The following LGALS1 variants were observed in gnomAD, a reference collection of about 807,000 sequenced individuals.
LGALS1 encodes the protein galectin-1.
LGALS1 carries 14 observed loss-of-function variants against 14.4 expected under a neutral mutation model. That is an observed-to-expected ratio of 0.97 (90% CI 0.64 to 1.52). The LOEUF (loss-of-function observed/expected upper bound fraction) is 1.52. LGALS1 is among the 40% of genes most tolerant of loss of function. The pLI is 0.00. For missense variants in LGALS1, 170 were observed against 181.4 expected (o/e 0.94, Z 0.36); for synonymous variants, 71 against 73.4 (o/e 0.97, Z 0.17).
chr22:37,676,834 T>C, intron 1 of LGALS1, 152 bp from the exon 2 acceptor site: 2 of 780,390 alleles, frequency 2.6e-6, no homozygotes. Flanking sequence ...GGCTGGAAAT[T>C]ACAGCTCAAT....
At chr22:37,677,877 C>G (rs889143553) in intron 2 of LGALS1, among the ~76,000 whole-genome samples, 1 of 152,044 alleles carries the variant, frequency 6.6e-6, no homozygotes, top group Non-Finnish European at 1.5e-5. Flanking sequence ...CTCCGCCTCC[C>G]GGGTTCAAAC....
intron 1 of LGALS1, chr22:37,676,081 C>G (rs920794788): frequency 6.2e-4 from 120 of 193,106 alleles, no homozygotes; most frequent in Admixed American, 6.0e-4. Context: ...TCCCCTCCCC[C>G]CTGCAGCTGT....
intron 2 of LGALS1, 109 bp from the exon 3 acceptor site, chr22:37,678,374 A>T (rs560316576): frequency 5.0e-6 from 6 of 1,192,656 alleles, no homozygotes; most frequent in Non-Finnish European, 7.3e-6. Context: ...TGTCTCTGTT[A>T]GTGAGTTCTT....
chr22:37,677,694 T>C (rs1438301064), intron 2 of LGALS1: 1 of 152,376 alleles, frequency 6.6e-6, no homozygotes, highest in Non-Finnish European at 1.5e-5. Flanking sequence ...ACTAATTTCA[T>C]TTCAACCAAA....
At position 37,675,726 on chromosome 22, in the gene LGALS1, C is replaced by CA. The variant is rs1281257217; in HGVS notation, c.9+15_9+16insA. On this transcript the variant is annotated intron_variant, in intron 1 of 3. Coordinates refer to ENST00000215909, the MANE Select transcript of LGALS1 (RefSeq NM_002305.4). ...TCATGGCTTGTGTGAGTGTGGGGAC[C>CA]CCCCCCCAAGGTCCAGGGGATAGGG... is the stretch of plus-strand genomic sequence containing the variant. 2.6e-6 allele frequency: 4 copies of CA among 1,535,656 alleles called. No homozygotes were observed. The highest frequency in any genetic ancestry group is 3.5e-6 in the Non-Finnish European group (4 of 1,138,386).
chr22:37,678,668 C>CCTGTCCCT lies in LGALS1; in HGVS notation c.261+14_261+15insCTGTCCCT. The CCTGTCCCT allele has an allele frequency of 3.0e-6, 3 of 1,011,970 alleles. No individual in the cohort carries two copies. Among genetic ancestry groups the CCTGTCCCT allele is most frequent in the African/African-American group, 1.9e-5 (1 of 52,268 alleles). 62.7% of individuals were successfully genotyped at this position (1,011,970 alleles called of 1,614,324 possible). A position where few individuals can be genotyped will look rare whatever the true frequency, so the allele number is the denominator to read the frequency against. On this transcript the variant is annotated intron_variant, in intron 3 of 3. Coordinates refer to ENST00000215909, the MANE Select transcript of LGALS1 (RefSeq NM_002305.4). ...AGTGTTGCAGAGGTGGGCTGCAGAC[C>CCTGTCCCT]GGAACCGGGGACCAGGGACAGGGGC...
chr22:37,678,664 A>G lies in LGALS1; in HGVS notation c.261+10A>G. Reference sequence around the variant, plus strand: ...TGGAAGTGTTGCAGAGGTGGGCTGCAGACCGGAACCGGGGACCAGGGACAG... The same window carrying G: ...TGGAAGTGTTGCAGAGGTGGGCTGCGGACCGGAACCGGGGACCAGGGACAG... On this transcript the variant is annotated intron_variant, in intron 3 of 3. Coordinates refer to ENST00000215909, the MANE Select transcript of LGALS1 (RefSeq NM_002305.4). The G allele has an allele frequency of 8.8e-7, 1 of 1,142,000 alleles. No individual in the cohort carries two copies. The highest frequency in any genetic ancestry group is 1.2e-5 in the South Asian group (1 of 80,588). 70.7% of individuals were successfully genotyped at this position (1,142,000 alleles called of 1,614,324 possible).
At chr22:37,679,529 G>A in intron 3 of LGALS1, 74 bp from the exon 4 acceptor site, 1 of 1,372,260 alleles carries the variant, frequency 7.3e-7, no homozygotes, top group Non-Finnish European at 9.7e-7. Flanking sequence ...GGCTGTGTCA[G>A]GGCCACATGA....
rs1921413815 is a variant in LGALS1, at chr22:37,676,055, C to T, written c.9+344C>T. The T allele has an allele frequency of 1.3e-5, 3 of 232,596 alleles. No individual in the cohort carries two copies. The East Asian group carries it at 2.5e-4, about 19-fold the overall frequency. The allele number at this position is 232,596 out of a possible 1,614,324, so 14.4% of individuals were successfully genotyped here. On this transcript the variant is annotated intron_variant, in intron 1 of 3. Transcript: ENST00000215909. ...CACTATCCCTTTCCCCCTCCTCCAC[C>T]CCAAAGAGCCTCCTGTCCCCTCCCC...
intron 1 of LGALS1, chr22:37,676,297 T>A (rs1405261676): frequency 6.5e-6 from 1 of 152,690 alleles, no homozygotes; most frequent in Non-Finnish European, 1.5e-5. Context: ...GGTGAGAATC[T>A]TCCTCGGGCC....
intron 1 of LGALS1, 85 bp downstream of exon 1, chr22:37,675,796 T>C: frequency 7.9e-7 from 1 of 1,263,904 alleles, no homozygotes; most frequent in South Asian, 1.7e-5. Context: ...CGGGAGCAGA[T>C]TCTAGCCCCA....
In LGALS1 at chr22:37,676,743, TCTTCTAGAAC is replaced by T. The variant is rs890315488; in HGVS notation, c.10-238_10-229del. The T allele has an allele frequency of 6.9e-6, 4 of 576,470 alleles. No homozygotes were observed. The African/African-American group carries it at 7.5e-5, about 11-fold the overall frequency. The allele number at this position is 576,470 out of a possible 1,614,324, so 35.7% of individuals were successfully genotyped here. ...AATCTGCAAAATCTTCTAGAGCCTG[TCTTCTAGAAC>T]CTTCACGTTACAGACTGAAGCCAAC... On this transcript the variant is annotated intron_variant, in intron 1 of 3. Coordinates refer to ENST00000215909, the MANE Select transcript of LGALS1 (RefSeq NM_002305.4).
At position 37,678,539 on chromosome 22, in the gene LGALS1, G is replaced by T. The variant is rs111700736; in HGVS notation, c.146G>T (p.Arg49Leu). 240 of 1,613,522 alleles carry T rather than the reference G, an allele frequency of 1.5e-4. No individual in the cohort carries two copies. The highest frequency in any genetic ancestry group is 2.0e-4 in the Non-Finnish European group (232 of 1,180,042). The stretch of plus-strand genomic sequence containing the variant: ...AACCTGTGCCTGCACTTCAACCCTC[G>T]CTTCAACGCCCACGGCGACGCCAAC... ...SNNLCLHFNP[R>L]FNAHGDANTI... The change falls in exon 3 of 4, where the codon CGC (arginine) becomes CTC (leucine). Residue 49 changes from arginine to leucine, a missense_variant. Physicochemically the swap from Arg to Leu is moderately radical, Grantham distance 102. Transcript: ENST00000215909.
At position 37,679,716 on chromosome 22, in the gene LGALS1, T is replaced by C. The variant is rs750852218; in HGVS notation, c.375T>C (p.Gly125=). ...LEAINYMAAD[G]DFKIKCVAFD is the part of the protein sequence containing the mutation. ...CCATCAACTACATGGCAGCTGACGGTGACTTCAAGATCAAATGTGTGGCCT... is the reference window on the plus strand; with the variant it reads ...CCATCAACTACATGGCAGCTGACGGCGACTTCAAGATCAAATGTGTGGCCT... Residue 125 remains glycine, a synonymous_variant, in exon 4 of 4, where the codon GGT becomes GGC. Transcript: ENST00000215909. 18 of 1,608,346 alleles carry C rather than the reference T, an allele frequency of 1.1e-5. No individual in the cohort carries two copies. In the East Asian group the frequency reaches 3.8e-4, roughly 34 times the overall value.
chr22:37,678,690 G>A (rs764015295), intron 3 of LGALS1, 36 bp downstream of exon 3: 8 of 1,465,330 alleles, frequency 5.5e-6, no homozygotes, highest in Non-Finnish European at 5.5e-6. Context: ...CCAGGGACAG[G>A]GGCTGGGTGG....
chr22:37,678,647 T>C lies in LGALS1; in HGVS notation c.254T>C (p.Val85Ala), dbSNP rs749953400. 2 of 1,567,006 alleles carry C rather than the reference T, an allele frequency of 1.3e-6. No individual in the cohort carries two copies. The part of the protein sequence containing the change: ...EAVFPFQPGS[V>A]AEVCITFDQA... The stretch of plus-strand genomic sequence containing the variant: ...GTCTTTCCCTTCCAGCCTGGAAGTG[T>C]TGCAGAGGTGGGCTGCAGACCGGAA... Residue 85 changes from valine (V) to alanine (A), a missense_variant, in exon 3 of 4, where the codon GTT (valine) becomes GCT (alanine). Coordinates refer to ENST00000215909, the MANE Select transcript of LGALS1 (RefSeq NM_002305.4).
rs746045951 is a variant in LGALS1 at position 37,679,591 on chromosome 22, C to T, written c.262-12C>T. 2 of 1,596,702 alleles carry T rather than the reference C, an allele frequency of 1.3e-6. No individual in the cohort carries two copies. The highest frequency in any genetic ancestry group is 2.3e-5 in the East Asian group (1 of 43,710). On this transcript the variant is annotated splice_polypyrimidine_tract_variant and intron_variant, in intron 3 of 3. Coordinates refer to ENST00000215909, the MANE Select transcript of LGALS1 (RefSeq NM_002305.4). ...CATGTGGGCCCGGCTCACTGCTCTCCTCTACCCCCAGGTGTGCATCACCTT... is the reference window on the plus strand; with the variant it reads ...CATGTGGGCCCGGCTCACTGCTCTCTTCTACCCCCAGGTGTGCATCACCTT...
chr22:37,678,426 C>T (rs1921513477), intron 2 of LGALS1, 57 bp from the exon 3 acceptor site: 1 of 1,583,252 alleles, frequency 6.3e-7, no homozygotes, highest in African/African-American at 1.3e-5. Context: ...ACAGATTAGT[C>T]GGTCAGTGGG....
rs375124422 is a variant in LGALS1, at chr22:37,679,692, C to T, written c.351C>T (p.Ala117=). The T allele has an allele frequency of 3.7e-6, 6 of 1,610,846 alleles. No individual in the cohort carries two copies. In the African/African-American group the frequency reaches 8.0e-5, roughly 22 times the overall value. The change falls in exon 4 of 4, where the codon GCC becomes GCT. Residue 117 remains alanine, a synonymous_variant. Transcript: ENST00000215909. ...TCCCCAACCGCCTCAACCTGGAGGC[C>T]ATCAACTACATGGCAGCTGACGGTG... ...FKFPNRLNLE[A]INYMAADGDF...
Sources: gnomAD v4.1 joint callset for allele counts (sites outside exome capture counted in the v4.1 genomes callset) on GRCh38, gnomAD v4.1.1 for gene constraint, MANE v1.5 for transcripts, NCBI Gene and HGNC (gene_info 2026-07-23, HGNC 2026-07-21) for gene names.